Variants in FANCM observed in about 807,000 individuals in gnomAD.
FANCM encodes FA complementation group M.
FANCM carries 140 observed loss-of-function variants against 199.5 expected under a neutral mutation model. That is an observed-to-expected ratio of 0.70 (90% CI 0.61 to 0.81). The LOEUF is 0.81. Among genes scored for constraint, FANCM ranks in the 30% least tolerant of loss-of-function variants. The pLI is 0.00. For missense variants in FANCM, 2,410 were observed against 2,421.4 expected (o/e 1.00, Z 0.10); for synonymous variants, 840 against 836.8 (o/e 1.00, Z -0.07).
chr14:45,163,900 G>A (rs908484858), intron 9 of FANCM, among the ~76,000 whole-genome samples: 1 of 152,138 alleles, frequency 6.6e-6, no homozygotes, highest in African/African-American at 2.4e-5. Context: ...TATATTGCTA[G>A]TTGGTTGCTT....
intron 9 of FANCM, 112 bp from the exon 10 acceptor site, chr14:45,164,247 G>A: frequency 1.1e-6 from 1 of 897,196 alleles, no homozygotes. Flanking sequence ...CAGCCTTGAG[G>A]CTGATTTTTA....
intron 3 of FANCM, among the ~76,000 whole-genome samples, chr14:45,146,037 C>CCA (rs1886349239): frequency 7.4e-6 from 1 of 135,556 alleles, no homozygotes; most frequent in Non-Finnish European, 1.6e-5. Flanking sequence ...CCAGCCTGGG[C>CCA]CACAGAGCGA....
At chr14:45,141,846 C>T (rs1186791688) in intron 3 of FANCM, among the ~76,000 whole-genome samples, 1 of 151,990 alleles carries the variant, frequency 6.6e-6, no homozygotes, top group Non-Finnish European at 1.5e-5. Flanking sequence ...GCCTCAGCCT[C>T]CCAAAGTGCT....
intron 22 of FANCM, 23 bp downstream of exon 22, chr14:45,198,958 A>C: frequency 6.4e-7 from 1 of 1,565,694 alleles, no homozygotes. Flanking sequence ...TAATATTTTT[A>C]AATGATTACT....
chr14:45,159,175 T>G lies in FANCM; in HGVS notation c.1476T>G (p.Ile492Met). The G allele has an allele frequency of 6.2e-7, 1 of 1,613,368 alleles. No individual in the cohort carries two copies. The highest frequency in any genetic ancestry group is 8.5e-7 in the Non-Finnish European group (1 of 1,179,404). ...CATTTCGAGATAGTGTTCAAGAAATTGCAGAAATGCTTTCACAGCATCAGC... is the reference window on the plus strand; with the variant it reads ...CATTTCGAGATAGTGTTCAAGAAATGGCAGAAATGCTTTCACAGCATCAGC... ...FSSFRDSVQEIAEMLSQHQPI... is the reference protein window; with the variant it reads ...FSSFRDSVQEMAEMLSQHQPI... The change falls in exon 9 of 23, where the codon ATT becomes ATG. Residue 492 changes from isoleucine to methionine, a missense_variant. By Grantham distance (10) the Ile-to-Met change is conservative. Transcript: ENST00000267430.
At chr14:45,171,125 G>T (rs1888312993) in intron 12 of FANCM, among the ~76,000 whole-genome samples, 1 of 150,716 alleles carries the variant, frequency 6.6e-6, no homozygotes, top group African/African-American at 2.4e-5. Flanking sequence ...TGTGTTTTGG[G>T]ATTCTTTTCA....
At chr14:45,140,227 G>C (rs1298893171) in intron 2 of FANCM, among the ~76,000 whole-genome samples, 1 of 148,008 alleles carries the variant, frequency 6.8e-6, no homozygotes, top group Non-Finnish European at 1.5e-5. Context: ...GTCCTTTTGA[G>C]TTTTTTTTTT....
chr14:45,156,910 C>CT (rs1322592774), intron 8 of FANCM, among the ~76,000 whole-genome samples: 1 of 111,226 alleles, frequency 9.0e-6, no homozygotes, highest in Non-Finnish European at 1.7e-5. Flanking sequence ...GAGTGAGACT[C>CT]TGTCTCAAAA....
chr14:45,176,305 T>G lies in FANCM; in HGVS notation c.3551T>G (p.Leu1184Trp). ...SQFLISDELL[L>W]DNNSELQDQI... The stretch of plus-strand genomic sequence containing the variant: ...TTCTTAATTTCTGATGAACTTTTGT[T>G]GGACAATAATTCTGAACTCCAAGAT... The change falls in exon 14 of 23, where the codon TTG becomes TGG. Residue 1184 changes from leucine (L) to tryptophan (W), a missense_variant. Physicochemically the swap from Leu to Trp is moderately conservative, Grantham distance 61. Coordinates refer to ENST00000267430, the MANE Select transcript of FANCM (RefSeq NM_020937.4). The G allele has an allele frequency of 6.2e-7, 1 of 1,614,034 alleles. No homozygotes were observed. Among genetic ancestry groups the G allele is most frequent in the Non-Finnish European group, 8.5e-7 (1 of 1,179,976 alleles).
rs1252693711 is a variant in FANCM at position 45,181,618 on chromosome 14, CTTTA to C, written c.4318-14_4318-11del. On this transcript the variant is annotated splice_polypyrimidine_tract_variant and intron_variant, in intron 15 of 22. Coordinates refer to ENST00000267430, the MANE Select transcript of FANCM (RefSeq NM_020937.4). ...CTGCTGAGACTTTTGTTGCCTTTTA[CTTTA>C]TTTACTTACTTTAGGATCAGAAAAA... is the stretch of plus-strand genomic sequence containing the variant. 2 of 1,598,016 alleles carry C rather than the reference CTTTA, an allele frequency of 1.3e-6. No individual in the cohort carries two copies. The highest frequency in any genetic ancestry group is 1.7e-6 in the Non-Finnish European group (2 of 1,165,952).
rs1022653693 is a variant in FANCM, at chr14:45,142,455, C to T, written c.759+1746C>T. 9.9e-5 allele frequency among the ~76,000 whole-genome samples: 15 copies of T among 151,732 alleles called. 1 individual carries two copies. In the South Asian group the frequency reaches 1.0e-3, roughly 11 times the overall value. On this transcript the variant is annotated intron_variant, in intron 3 of 22. Transcript: ENST00000267430. The stretch of plus-strand genomic sequence containing the variant: ...CTGAGTAGCTGGGATTACAGTCACC[C>T]GCCACCATGCCCGGCTAATTTTTTG...
intron 19 of FANCM, among the ~76,000 whole-genome samples, chr14:45,188,237 G>C (rs865783770): frequency 2.0e-5 from 3 of 152,186 alleles, no homozygotes; most frequent in Non-Finnish European, 4.4e-5. Flanking sequence ...TACTTGGGAG[G>C]CTGAGGCAGG....
Position 45,136,492 on chromosome 14 carries a change from G to C in FANCM, c.461G>C (p.Cys154Ser), listed in dbSNP as rs766755069. 2.9e-5 allele frequency: 47 copies of C among 1,614,026 alleles called. No individual in the cohort carries two copies. The highest frequency in any genetic ancestry group is 3.9e-5 in the Non-Finnish European group (46 of 1,180,038). ...TTGGTGACACAGCAGATCGAGGCTTGCTACCAGGTGATGGGTATCCCGCAA... is the reference window on the plus strand; with the variant it reads ...TTGGTGACACAGCAGATCGAGGCTTCCTACCAGGTGATGGGTATCCCGCAA... ...KPLVTQQIEA[C>S]YQVMGIPQSH... Residue 154 changes from cysteine (C) to serine (S), a missense_variant, in exon 1 of 23, where the codon TGC becomes TCC. Cys to Ser is a moderately radical substitution (Grantham distance 112). Transcript: ENST00000267430.
rs1319257761 is a variant in FANCM at position 45,175,635 on chromosome 14, C to T, written c.2881C>T (p.Leu961Phe). ...AAAATCTGTTTCATCTAACTTATTT[C>T]TTCCATTCGAAGAAGAGCTTTATAT... ...DEKSVSSNLF[L>F]PFEEELYIVR... Residue 961 changes from leucine to phenylalanine, a missense_variant, in exon 14 of 23, where the codon CTT becomes TTT. Transcript: ENST00000267430. The T allele has an allele frequency of 1.9e-6, 3 of 1,613,200 alleles. No individual in the cohort carries two copies. The highest frequency in any genetic ancestry group is 1.3e-5 in the African/African-American group (1 of 74,910).
At position 45,189,191 on chromosome 14, in the gene FANCM, A is replaced by G; in HGVS notation, c.5169A>G (p.Arg1723=). Residue 1723 remains arginine (R), a synonymous_variant, in exon 20 of 23, where the codon AGA becomes AGG. Coordinates refer to ENST00000267430, the MANE Select transcript of FANCM (RefSeq NM_020937.4). ...SAQSKVRSTP[R]VNPLAKQSKQ... ...AGTCCAAGGTGCGTTCTACTCCAAG[A>G]GTTAATCCATTAGCAAAGCAGAGCA... The G allele has an allele frequency of 6.2e-7, 1 of 1,614,186 alleles. No individual in the cohort carries two copies. The highest frequency in any genetic ancestry group is 8.5e-7 in the Non-Finnish European group (1 of 1,180,014).
At chr14:45,153,596 A>G (rs947800646) in intron 5 of FANCM, among the ~76,000 whole-genome samples, 1 of 152,062 alleles carries the variant, frequency 6.6e-6, no homozygotes, top group African/African-American at 2.4e-5. Flanking sequence ...ATATACTGCC[A>G]ATTAATTTAC....
intron 3 of FANCM, among the ~76,000 whole-genome samples, chr14:45,146,459 A>G (rs1886392237): frequency 6.6e-6 from 1 of 152,028 alleles, no homozygotes; most frequent in Admixed American, 6.6e-5. Context: ...AACTCTTGCA[A>G]GCTGCAAGAC....
intron 5 of FANCM, among the ~76,000 whole-genome samples, chr14:45,151,846 C>T (rs1214955907): frequency 6.9e-6 from 1 of 144,434 alleles, no homozygotes; most frequent in African/African-American, 2.6e-5. Flanking sequence ...CCTGGGTGGT[C>T]GAGGCTGCAG....
chr14:45,196,404 G>A lies in FANCM; in HGVS notation c.5573G>A (p.Ser1858Asn). ...CTTAATGGCTGTGATTACATCGTGA[G>A]TAATCGCATGGTGGTGGAAAGGAGG... Reference protein sequence around the residue: ...CPLNGCDYIVSNRMVVERRSQ... With the variant: ...CPLNGCDYIVNNRMVVERRSQ... Residue 1858 changes from serine (S) to asparagine (N), a missense_variant, in exon 21 of 23, where the codon AGT (serine) becomes AAT (asparagine). Physicochemically the swap from Ser to Asn is conservative, Grantham distance 46. Coordinates refer to ENST00000267430, the MANE Select transcript of FANCM (RefSeq NM_020937.4). 1 of 1,614,150 alleles carries A rather than the reference G, an allele frequency of 6.2e-7. No individual in the cohort carries two copies. Among genetic ancestry groups the A allele is most frequent in the Non-Finnish European group, 8.5e-7 (1 of 1,180,030 alleles).
Sources: allele counts gnomAD v4.1 joint callset (sites outside exome capture counted in the v4.1 genomes callset), GRCh38; gene constraint gnomAD v4.1.1; transcripts MANE v1.5; gene names NCBI Gene and HGNC (gene_info 2026-07-23, HGNC 2026-07-21).